The following VPS37A variants were observed in gnomAD, a reference collection of about 807,000 sequenced individuals.
VPS37A encodes the protein vacuolar protein sorting-associated protein 37A.
Under a neutral mutation model 49.8 loss-of-function variants are expected in VPS37A, and 30 were observed. That is an observed-to-expected ratio of 0.60 (90% confidence interval 0.45 to 0.82). The LOEUF is 0.82. Among genes scored for constraint, VPS37A ranks in the 40% least tolerant of loss-of-function variants. VPS37A has a pLI of 0.00. For synonymous variants in VPS37A, 195 were observed against 160.6 expected (o/e 1.21, Z -1.62); for missense variants, 593 against 464.4 (o/e 1.28, Z -2.55).
downstream of VPS37A, among the ~76,000 whole-genome samples, chr8:17,303,317 G>A (rs541532733): frequency 6.6e-6 from 1 of 152,024 alleles, no homozygotes; most frequent in Non-Finnish European, 1.5e-5. Flanking sequence ...AGAATATTCT[G>A]CTATAAATTC....
the VPS37A span, chr8:17,313,344 C>T: frequency 6.2e-6 from 10 of 1,612,878 alleles, no homozygotes; most frequent in Non-Finnish European, 8.5e-6. Context: ...CCTTAACCAG[C>T]CAGAGTTCTC....
chr8:17,274,277 C>T (rs1814287809), intron 4 of VPS37A, among the ~76,000 whole-genome samples: 3 of 152,178 alleles, frequency 2.0e-5, no homozygotes, highest in Admixed American at 6.5e-5. Flanking sequence ...AATTTTACTT[C>T]GAAATTTTCT....
intron 1 of VPS37A, among the ~76,000 whole-genome samples, chr8:17,254,816 G>C (rs759702792): frequency 7.9e-5 from 12 of 151,938 alleles, no homozygotes; most frequent in Non-Finnish European, 1.3e-4. Context: ...TAACTATTAT[G>C]TATCCATAAT....
At chr8:17,299,888 C>T, downstream of VPS37A, 1 of 1,614,082 alleles carries the variant, frequency 6.2e-7, no homozygotes, top group Non-Finnish European at 8.5e-7. Context: ...ACGGCTTCAT[C>T]AGAATCCCGG....
the VPS37A span, among the ~76,000 whole-genome samples, chr8:17,327,269 A>G: frequency 2.0e-5 from 3 of 152,128 alleles, no homozygotes; most frequent in African/African-American, 4.8e-5. Context: ...AGGCATGTCT[A>G]TATCTTATTT....
chr8:17,274,714 C>T lies in VPS37A; in HGVS notation c.417-19C>T. On this transcript the variant is annotated intron_variant, in intron 4 of 11. Transcript: ENST00000324849. The stretch of plus-strand genomic sequence containing the variant: ...TATCCATAAAATCTAATGTAATGAT[C>T]TTCTCTTTTTCTTTTCAGTCTATAC... 2 of 1,580,878 alleles carry T rather than the reference C, an allele frequency of 1.3e-6. No homozygotes were observed. The highest frequency in any genetic ancestry group is 1.4e-5 in the African/African-American group (1 of 73,384).
chr8:17,288,918 G>A (rs149266306), intron 11 of VPS37A, among the ~76,000 whole-genome samples: 10,432 of 152,188 alleles, frequency 0.069, 572 homozygotes, highest in African/African-American at 0.16. Context: ...CATTCTAACT[G>A]GTGTGACATG....
the VPS37A span, among the ~76,000 whole-genome samples, chr8:17,317,124 T>C: frequency 1.3e-5 from 2 of 152,344 alleles, no homozygotes; most frequent in East Asian, 3.9e-4. Context: ...ATTTGCTTGC[T>C]TATATGTGTG....
At chr8:17,247,567 C>G (rs548539847) in intron 1 of VPS37A, 198 bp downstream of exon 1, 3 of 766,584 alleles carry the variant, frequency 3.9e-6, no homozygotes, top group Admixed American at 2.0e-5. Flanking sequence ...TGCCTCCTGC[C>G]GCACCACTGC....
downstream of VPS37A, chr8:17,306,091 A>G (rs1817436929): frequency 1.4e-6 from 1 of 705,056 alleles, no homozygotes; most frequent in Non-Finnish European, 2.2e-6. Context: ...AATGACAAAA[A>G]AGGTAGAAAA....
At chr8:17,322,105 T>C in the VPS37A span, among the ~76,000 whole-genome samples, 1 of 148,344 alleles carries the variant, frequency 6.7e-6, no homozygotes, top group East Asian at 2.1e-4. Flanking sequence ...CTCCCTTGAT[T>C]ACCAGCCCAG....
chr8:17,261,110 G>A (rs939200335), intron 1 of VPS37A, among the ~76,000 whole-genome samples: 2 of 152,152 alleles, frequency 1.3e-5, no homozygotes, highest in Non-Finnish European at 2.9e-5. Flanking sequence ...ATTCTTAGAT[G>A]TGGTCTTCTG....
rs1816548192 is a variant in VPS37A, at chr8:17,295,431, C to T, written c.*445C>T. On this transcript the variant is annotated 3_prime_UTR_variant, in exon 12 of 12. Transcript: ENST00000324849. ...CAACTGTGAGGAAACCCTTATTTTT[C>T]TTTCTTTGTGGATAAAACTTTCAAA... is the stretch of plus-strand genomic sequence containing the variant. The T allele has an allele frequency of 6.6e-6, 1 of 152,326 alleles. No individual in the cohort carries two copies. Among genetic ancestry groups the T allele is most frequent in the South Asian group, 2.1e-4 (1 of 4,828 alleles). The allele number at this position is 152,326 out of a possible 1,614,324, so 9.4% of individuals were successfully genotyped here.
chr8:17,300,767 T>A (rs1026146571), downstream of VPS37A, among the ~76,000 whole-genome samples: 1 of 152,210 alleles, frequency 6.6e-6, no homozygotes, highest in Admixed American at 6.6e-5. Flanking sequence ...AGCAGTCATT[T>A]CCCATTCCTA....
chr8:17,314,655 T>C, the VPS37A span, among the ~76,000 whole-genome samples: 6 of 152,174 alleles, frequency 3.9e-5, no homozygotes, highest in Non-Finnish European at 7.3e-5. Context: ...GAGTCATAGA[T>C]GACAACAGTG....
chr8:17,263,018 G>A (rs139549977), intron 1 of VPS37A, among the ~76,000 whole-genome samples: 3,900 of 147,852 alleles, frequency 0.026, 176 homozygotes, highest in African/African-American at 0.093. Context: ...CCGAGATCTC[G>A]CCATTGCACT....
chr8:17,304,345 A>T, downstream of VPS37A: 1 of 1,598,540 alleles, frequency 6.3e-7, no homozygotes, highest in South Asian at 1.1e-5. Flanking sequence ...CCAAGTTCAT[A>T]CCATGGCTAC....
intron 9 of VPS37A, among the ~76,000 whole-genome samples, chr8:17,281,071 C>G (rs1461789469): frequency 1.3e-5 from 2 of 151,684 alleles, no homozygotes; most frequent in Non-Finnish European, 3.0e-5. Flanking sequence ...AAACCAACAA[C>G]AGCAAAAAAG....
the VPS37A span, among the ~76,000 whole-genome samples, chr8:17,333,269 G>C: frequency 6.6e-6 from 1 of 152,134 alleles, no homozygotes; most frequent in African/African-American, 2.4e-5. Flanking sequence ...TGCATTTTAA[G>C]ACAACTTATG....
Sources: gnomAD v4.1 joint callset for allele counts (sites outside exome capture counted in the v4.1 genomes callset) on GRCh38, gnomAD v4.1.1 for gene constraint, MANE v1.5 for transcripts, NCBI Gene and HGNC (gene_info 2026-07-23, HGNC 2026-07-21) for gene names.